Variants in BCKDHB observed in about 807,000 individuals in gnomAD.
BCKDHB encodes 2-oxoisovalerate dehydrogenase subunit beta, mitochondrial.
In BCKDHB, 41 loss-of-function variants were observed where a neutral mutation model predicts 48.5. The ratio of observed to expected loss-of-function variants is 0.85; its 90% CI spans 0.66 to 1.10. BCKDHB has a LOEUF of 1.10. BCKDHB is among the 50% of genes least tolerant of loss of function. The pLI is 0.00. For synonymous variants in BCKDHB, 201 were observed against 174.8 expected (o/e 1.15, Z -1.18); for missense variants, 496 against 494.2 (o/e 1.00, Z -0.03).
chr6:80,266,652 GA>G (rs1777527466), intron 8 of BCKDHB, among the ~76,000 whole-genome samples: 1 of 151,970 alleles, frequency 6.6e-6, no homozygotes, highest in Non-Finnish European at 1.5e-5. Flanking sequence ...TCTGGAATAG[GA>G]AAAAATAGGT....
At chr6:80,464,649 A>G in the BCKDHB span, among the ~76,000 whole-genome samples, 2 of 152,078 alleles carry the variant, frequency 1.3e-5, no homozygotes, top group Non-Finnish European at 2.9e-5. Context: ...TATTCCTCAC[A>G]CTTCTTTCAT....
At chr6:80,140,930 G>A (rs1771171755) in intron 3 of BCKDHB, among the ~76,000 whole-genome samples, 1 of 152,076 alleles carries the variant, frequency 6.6e-6, no homozygotes, top group African/African-American at 2.4e-5. Flanking sequence ...AATCCATCTG[G>A]TCCTGGACTC....
Position 80,117,470 on chromosome 6 carries a change from G to T in BCKDHB, c.197-10077G>T, listed in dbSNP as rs527379447. On this transcript the variant is annotated intron_variant, in intron 1 of 9. Coordinates refer to ENST00000320393, the MANE Select transcript of BCKDHB (RefSeq NM_183050.4). ...AACTTAGATATTTAGACATTTTGTT[G>T]GGAATAGGCCCCCAAATCTGGCCAT... 2.3e-3 allele frequency among the ~76,000 whole-genome samples: 355 copies of T among 152,302 alleles called. 2 individuals carry two copies. Among genetic ancestry groups the T allele is most frequent in the African/African-American group, 8.3e-3 (343 of 41,556 alleles).
At position 80,176,618 on chromosome 6, in the gene BCKDHB, A is replaced by G. The variant is rs992279747; in HGVS notation, c.742+5228A>G. ...CTTGCTCTATCCTCTTGGAGAAGAA[A>G]AAAAAAATCTCTTCTGAGAGTTTTT... On this transcript the variant is annotated intron_variant, in intron 6 of 9. Coordinates refer to ENST00000320393, the MANE Select transcript of BCKDHB (RefSeq NM_183050.4). Among the ~76,000 whole-genome samples, 3 of 152,194 alleles carry G rather than the reference A, an allele frequency of 2.0e-5. No individual in the cohort carries two copies. The South Asian group carries it at 6.2e-4, about 31-fold the overall frequency.
the BCKDHB span, among the ~76,000 whole-genome samples, chr6:80,387,268 C>A: frequency 1.3e-5 from 2 of 152,168 alleles, no homozygotes; most frequent in African/African-American, 4.8e-5. Context: ...ACATACTTAA[C>A]AGCTGGCAGA....
chr6:80,189,324 A>G (rs1341262610), intron 6 of BCKDHB, among the ~76,000 whole-genome samples: 1 of 152,224 alleles, frequency 6.6e-6, no homozygotes, highest in East Asian at 1.9e-4. Flanking sequence ...ACTGTGTGCA[A>G]CATAGCAAAT....
At chr6:80,307,527 T>C (rs1767940577) in intron 9 of BCKDHB, 1 of 984,910 alleles carries the variant, frequency 1.0e-6, no homozygotes, top group Admixed American at 6.1e-5. Context: ...TTTCAGTAAA[T>C]TAAAACTTAA....
chr6:80,326,933 A>G (rs1769058504), intron 9 of BCKDHB, among the ~76,000 whole-genome samples: 1 of 152,170 alleles, frequency 6.6e-6, no homozygotes, highest in Non-Finnish European at 1.5e-5. Flanking sequence ...GACAGACTAC[A>G]TGAGAGCCTT....
intron 6 of BCKDHB, among the ~76,000 whole-genome samples, chr6:80,192,691 G>A (rs1015679203): frequency 1.3e-5 from 2 of 152,148 alleles, no homozygotes; most frequent in Non-Finnish European, 2.9e-5. Flanking sequence ...TGGAATATCA[G>A]TCTCATCAAA....
At chr6:80,121,992 C>T (rs1016663122) in intron 1 of BCKDHB, among the ~76,000 whole-genome samples, 1 of 152,156 alleles carries the variant, frequency 6.6e-6, no homozygotes, top group Non-Finnish European at 1.5e-5. Flanking sequence ...GTGGGTTTGT[C>T]ATAAATAGCT....
At chr6:80,445,507 A>G in the BCKDHB span, among the ~76,000 whole-genome samples, 1 of 152,188 alleles carries the variant, frequency 6.6e-6, no homozygotes, top group East Asian at 1.9e-4. Flanking sequence ...AATGACTTAC[A>G]AGGCAGAGGT....
At chr6:80,243,000 T>C (rs1051948369) in intron 8 of BCKDHB, among the ~76,000 whole-genome samples, 2 of 152,132 alleles carry the variant, frequency 1.3e-5, no homozygotes, top group African/African-American at 4.8e-5. Flanking sequence ...AAGGATTCTA[T>C]CTCTCAATTG....
At chr6:80,237,336 G>T (rs1387654801) in intron 8 of BCKDHB, among the ~76,000 whole-genome samples, 5 of 152,128 alleles carry the variant, frequency 3.3e-5, no homozygotes, top group African/African-American at 1.2e-4. Flanking sequence ...ACTGAACTAG[G>T]TGATCACATT....
At chr6:80,233,972 C>T (rs1776039633) in intron 8 of BCKDHB, among the ~76,000 whole-genome samples, 1 of 151,678 alleles carries the variant, frequency 6.6e-6, no homozygotes, top group South Asian at 2.1e-4. Context: ...GAAATGGTTT[C>T]GAGATGAAAC....
intron 8 of BCKDHB, among the ~76,000 whole-genome samples, chr6:80,240,889 A>T (rs1408469678): frequency 6.6e-6 from 1 of 152,168 alleles, no homozygotes; most frequent in South Asian, 2.1e-4. Flanking sequence ...AGGTACACCA[A>T]TCAGACATAG....
intron 9 of BCKDHB, among the ~76,000 whole-genome samples, chr6:80,302,730 G>C (rs1204621760): frequency 1.3e-5 from 2 of 152,080 alleles, no homozygotes; most frequent in Non-Finnish European, 2.9e-5. Flanking sequence ...TTATCCATTT[G>C]TTTAGCTTTA....
the BCKDHB span, among the ~76,000 whole-genome samples, chr6:80,387,217 TG>T: frequency 2.6e-5 from 4 of 152,184 alleles, no homozygotes; most frequent in Non-Finnish European, 4.4e-5. Context: ...GGACTCATCC[TG>T]TGGTCGTTTC....
At chr6:80,439,477 A>C in the BCKDHB span, among the ~76,000 whole-genome samples, 10 of 152,208 alleles carry the variant, frequency 6.6e-5, no homozygotes, top group African/African-American at 2.4e-4. Context: ...GGTCCATCCT[A>C]GGTCATCTGA....
intron 6 of BCKDHB, among the ~76,000 whole-genome samples, chr6:80,180,753 C>G (rs1268583830): frequency 6.6e-6 from 1 of 152,070 alleles, no homozygotes; most frequent in Non-Finnish European, 1.5e-5. Flanking sequence ...TGGTAGAAGA[C>G]TTAAAATATT....
Sources: allele counts gnomAD v4.1 joint callset (sites outside exome capture counted in the v4.1 genomes callset), GRCh38; gene constraint gnomAD v4.1.1; transcripts MANE v1.5; gene names NCBI Gene and HGNC (gene_info 2026-07-23, HGNC 2026-07-21).